The following MBD5 variants were observed in gnomAD, a reference collection of about 807,000 sequenced individuals.
MBD5 encodes the protein methyl-CpG-binding domain protein 5.
MBD5 carries 13 observed loss-of-function variants against 117.3 expected under a neutral mutation model. That is an observed-to-expected ratio of 0.11 (90% confidence interval 0.07 to 0.18). The LOEUF is 0.18. Ranked by LOEUF, MBD5 falls within the 10% of genes least tolerant of loss-of-function variation. The pLI is 1.00. For synonymous variants in MBD5, 727 were observed against 766.4 expected, an observed-to-expected ratio of 0.95 and a Z score of 0.85; for missense variants, 1,879 against 2,093.8, an observed-to-expected ratio of 0.90 and a Z score of 2.00.
chr2:148,044,847 A>G (rs548921755), intron 1 of MBD5: 5 of 152,222 alleles, frequency 3.3e-5, no homozygotes, highest in South Asian at 2.1e-4. Flanking sequence ...TGTAAAGATA[A>G]TAGTTTTGGT....
intron 3 of MBD5, among the ~76,000 whole-genome samples, chr2:148,330,074 A>C: frequency 4.6e-4 from 1 of 2,180 alleles, no homozygotes; most frequent in African/African-American, 6.5e-4. Context: ...ACACTGCCTA[A>C]AGCCCTCCTG....
intron 4 of MBD5, among the ~76,000 whole-genome samples, chr2:148,361,201 T>G (rs1470111065): frequency 6.6e-6 from 1 of 152,016 alleles, no homozygotes; most frequent in African/African-American, 2.4e-5. Context: ...AATACAAAAA[T>G]TAGCCAGGTG....
chr2:148,329,400 C>A (rs999644004), intron 3 of MBD5, among the ~76,000 whole-genome samples: 2 of 152,094 alleles, frequency 1.3e-5, no homozygotes, highest in Non-Finnish European at 2.9e-5. Flanking sequence ...TTTATTCTGA[C>A]TTCAAAGTAT....
intron 3 of MBD5, among the ~76,000 whole-genome samples, chr2:148,267,447 T>A (rs1320724807): frequency 6.6e-6 from 1 of 152,166 alleles, no homozygotes; most frequent in Non-Finnish European, 1.5e-5. Flanking sequence ...TTTGAACATA[T>A]TAAAAAGTAC....
At chr2:148,428,541 A>G in intron 4 of MBD5, among the ~76,000 whole-genome samples, 1 of 152,152 alleles carries the variant, frequency 6.6e-6, no homozygotes, top group East Asian at 1.9e-4. Flanking sequence ...AGCCAAGACA[A>G]TCCTAAGGAA....
At chr2:148,414,994 C>T (rs1480046015) in intron 4 of MBD5, among the ~76,000 whole-genome samples, 5 of 152,014 alleles carry the variant, frequency 3.3e-5, no homozygotes, top group Non-Finnish European at 5.9e-5. Context: ...AGAATTGGAT[C>T]CTGTTATATT....
chr2:148,433,757 T>C (rs1398609466), intron 4 of MBD5, among the ~76,000 whole-genome samples: 3 of 152,076 alleles, frequency 2.0e-5, no homozygotes, highest in African/African-American at 4.8e-5. Context: ...TTTGCTAGTA[T>C]TTTGTTGAGG....
chr2:148,361,746 A>T (rs1313288144), intron 4 of MBD5, among the ~76,000 whole-genome samples: 2 of 152,190 alleles, frequency 1.3e-5, no homozygotes, highest in African/African-American at 4.8e-5. Context: ...CCAAATAGGA[A>T]CAGCTCCGGT....
At chr2:148,079,902 CAAA>C (rs1245050768) in intron 1 of MBD5, among the ~76,000 whole-genome samples, 6 of 144,742 alleles carry the variant, frequency 4.1e-5, no homozygotes, top group Admixed American at 2.1e-4. Flanking sequence ...ACAACAACAA[CAAA>C]AACTTGCTTT....
intron 3 of MBD5, chr2:148,295,675 A>T (rs1185355451): frequency 1.3e-5 from 2 of 153,272 alleles, no homozygotes; most frequent in Admixed American, 6.5e-5. Flanking sequence ...AGTGTCATCA[A>T]AGGACAAGCA....
intron 3 of MBD5, among the ~76,000 whole-genome samples, chr2:148,258,833 G>T (rs773729002): frequency 2.0e-5 from 3 of 152,196 alleles, no homozygotes; most frequent in African/African-American, 4.8e-5. Flanking sequence ...GCCCCCCTGT[G>T]GGTGGGGCAT....
chr2:148,156,151 G>A (rs1697866972), intron 1 of MBD5, among the ~76,000 whole-genome samples: 1 of 152,310 alleles, frequency 6.6e-6, no homozygotes, highest in Admixed American at 6.5e-5. Flanking sequence ...AAATGATTTG[G>A]TTGACCAAAA....
At chr2:148,141,045 T>C (rs1697300297) in intron 1 of MBD5, among the ~76,000 whole-genome samples, 1 of 152,214 alleles carries the variant, frequency 6.6e-6, no homozygotes, top group Admixed American at 6.5e-5. Context: ...CTGCTGGGAT[T>C]ACAGGTGTCA....
intron 2 of MBD5, among the ~76,000 whole-genome samples, chr2:148,208,909 G>T (rs189080098): frequency 8.9e-4 from 135 of 152,094 alleles, no homozygotes; most frequent in Admixed American, 1.2e-3. Context: ...GAATTTATTT[G>T]AAGCAAATTG....
intron 3 of MBD5, among the ~76,000 whole-genome samples, chr2:148,315,466 C>G (rs1431184240): frequency 6.6e-6 from 1 of 152,158 alleles, no homozygotes; most frequent in Non-Finnish European, 1.5e-5. Flanking sequence ...CTTAATTCTT[C>G]AAATGTTCAA....
chr2:148,274,150 C>A lies in MBD5; in HGVS notation c.-680+40755C>A, dbSNP rs181857286. The stretch of plus-strand genomic sequence containing the variant: ...AGAGCAAAATTGTCTAATACTTTTC[C>A]ATGTGTACAATGAGACATTTAACAT... On this transcript the variant is annotated intron_variant, in intron 3 of 13. Transcript: ENST00000642680. Among the ~76,000 whole-genome samples, 7 of 152,112 alleles carry A rather than the reference C, an allele frequency of 4.6e-5. No individual in the cohort carries two copies. The East Asian group carries it at 1.4e-3, about 29-fold the overall frequency.
At position 148,458,299 on chromosome 2, in the gene MBD5, A is replaced by T. The variant is rs1277429147; in HGVS notation, c.-460A>T. The T allele has an allele frequency of 2.4e-6, 1 of 408,492 alleles. No homozygotes were observed. The highest frequency in any genetic ancestry group is 4.3e-6 in the Non-Finnish European group (1 of 231,222). The allele number at this position is 408,492 out of a possible 1,614,324, so 25.3% of individuals were successfully genotyped here. ...GGAAGATAAAGAGAAAGTTTAAAGAATGTGGCCTATAAAGGCGGGTACCTG... is the reference window on the plus strand; with the variant it reads ...GGAAGATAAAGAGAAAGTTTAAAGATTGTGGCCTATAAAGGCGGGTACCTG... On this transcript the variant is annotated 5_prime_UTR_variant, in exon 5 of 14. It removes an upstream start codon present in the reference 5' UTR. Transcript: ENST00000642680.
At chr2:148,168,423 CATA>C (rs2105784749) in intron 1 of MBD5, among the ~76,000 whole-genome samples, 1 of 152,056 alleles carries the variant, frequency 6.6e-6, no homozygotes, top group African/African-American at 2.4e-5. Context: ...CGTTGGTAGT[CATA>C]ATGAGAAAAA....
intron 3 of MBD5, among the ~76,000 whole-genome samples, chr2:148,275,596 C>T (rs1254504347): frequency 6.6e-6 from 1 of 152,152 alleles, no homozygotes; most frequent in Non-Finnish European, 1.5e-5. Flanking sequence ...TTGGATGAGG[C>T]TCATCTACTT....
Sources: gnomAD v4.1 joint callset for allele counts (sites outside exome capture counted in the v4.1 genomes callset) on GRCh38, gnomAD v4.1.1 for gene constraint, MANE v1.5 for transcripts, NCBI Gene and HGNC (gene_info 2026-07-23, HGNC 2026-07-21) for gene names.